ME1: variants seen among roughly 807,000 people sequenced by gnomAD.
The protein encoded by ME1 is NADP-dependent malic enzyme.
In ME1, 74 loss-of-function variants were observed where a neutral mutation model predicts 66.4. The observed-to-expected ratio is 1.11, with a 90% CI of 0.92 to 1.35. ME1 has a LOEUF of 1.35. Among genes scored for constraint, ME1 ranks in the 40% most tolerant of loss-of-function variants. The probability of loss-of-function intolerance (pLI) is 0.00; values close to 1 mark genes in which losing one functional copy is unlikely to be tolerated. For synonymous variants in ME1, 251 were observed against 235.6 expected (o/e 1.07, Z -0.60); for missense variants, 750 against 694.1 (o/e 1.08, Z -0.90).
intron 7 of ME1, among the ~76,000 whole-genome samples, chr6:83,251,780 A>G (rs891007566): frequency 3.0e-4 from 46 of 152,150 alleles, no homozygotes; most frequent in African/African-American, 9.9e-4. Context: ...AACATGCATC[A>G]GACCATGCAT....
At chr6:83,362,770 T>C (rs759063655) in intron 3 of ME1, among the ~76,000 whole-genome samples, 12 of 152,352 alleles carry the variant, frequency 7.9e-5, no homozygotes, top group South Asian at 6.2e-4. Context: ...ATGCAATGCT[T>C]CTGCCAAGAC....
At position 83,325,955 on chromosome 6, in the gene ME1, A is replaced by C. The variant is rs893275562; in HGVS notation, c.601-10542T>G. Among the ~76,000 whole-genome samples the C allele has an allele frequency of 3.0e-4, 46 of 151,260 alleles. 1 individual carries two copies. Among genetic ancestry groups the C allele is most frequent in the African/African-American group, 1.1e-3 (46 of 41,420 alleles). On this transcript the variant is annotated intron_variant, in intron 5 of 13. Transcript: ENST00000369705. ...ACAAAAAAACGAAGCAAACAAAAAA[A>C]AAAAAAAACAAAGCTGGAGGCATCA... is the stretch of plus-strand genomic sequence containing the variant.
intron 6 of ME1, among the ~76,000 whole-genome samples, chr6:83,296,833 A>T (rs565612369): frequency 6.6e-6 from 1 of 152,326 alleles, no homozygotes; most frequent in African/African-American, 2.4e-5. Flanking sequence ...AGGATACAAA[A>T]TCAATGTACA....
At chr6:83,403,316 G>T (rs2128551283) in intron 2 of ME1, among the ~76,000 whole-genome samples, 1 of 152,274 alleles carries the variant, frequency 6.6e-6, no homozygotes, top group East Asian at 1.9e-4. Context: ...AGACTAGGTA[G>T]CTTATGAACA....
At chr6:83,399,718 C>A (rs1190992294) in intron 2 of ME1, among the ~76,000 whole-genome samples, 1 of 152,162 alleles carries the variant, frequency 6.6e-6, no homozygotes, top group Non-Finnish European at 1.5e-5. Context: ...AAAACGTAAA[C>A]TGCTCAGTTC....
intron 3 of ME1, among the ~76,000 whole-genome samples, chr6:83,379,566 G>A (rs1769356552): frequency 6.6e-6 from 1 of 151,866 alleles, no homozygotes; most frequent in African/African-American, 2.4e-5. Context: ...ATTTGTTAGT[G>A]TCTTAGAAAT....
rs1769973820 is a variant in ME1, at chr6:83,407,773, A to T, written c.207T>A (p.Phe69Leu). Residue 69 changes from phenylalanine (F) to leucine (L), a missense_variant, in exon 2 of 14, where the codon TTT becomes TTA. Transcript: ENST00000369705. The part of the protein sequence containing the change: ...VKNFEHLNSD[F>L]DRYLLLMDLQ... ...CACCTTCAGCAATGTGTTACCTGTCAAAGTCAGAGTTCAGATGCTCGAAAT... is the reference window on the plus strand; with the variant it reads ...CACCTTCAGCAATGTGTTACCTGTCTAAGTCAGAGTTCAGATGCTCGAAAT... The T allele has an allele frequency of 1.3e-6, 2 of 1,597,338 alleles. No individual in the cohort carries two copies. The highest frequency in any genetic ancestry group is 8.5e-7 in the Non-Finnish European group (1 of 1,175,562).
chr6:83,334,319 C>T (rs1768481867), intron 5 of ME1, among the ~76,000 whole-genome samples: 2 of 121,264 alleles, frequency 1.6e-5, no homozygotes, highest in African/African-American at 6.4e-5. Context: ...GGTCCTACGC[C>T]CACGGAATCT....
chr6:83,296,457 A>T (rs1315720105), intron 6 of ME1, among the ~76,000 whole-genome samples: 1 of 152,214 alleles, frequency 6.6e-6, no homozygotes, highest in Non-Finnish European at 1.5e-5. Flanking sequence ...GCTATCGATA[A>T]AATTCAACAT....
intron 4 of ME1, among the ~76,000 whole-genome samples, chr6:83,351,355 GTTGCTA>G (rs1446242084): frequency 6.6e-6 from 1 of 152,142 alleles, no homozygotes; most frequent in Non-Finnish European, 1.5e-5. Context: ...ATACCACAAA[GTTGCTA>G]GGCATTCAAC....
intron 6 of ME1, among the ~76,000 whole-genome samples, chr6:83,300,213 C>T (rs1767689155): frequency 6.6e-6 from 1 of 152,072 alleles, no homozygotes; most frequent in African/African-American, 2.4e-5. Context: ...AAGCTAGACT[C>T]CTTCTTTACA....
rs773779919 is a variant in ME1 at position 83,430,908 on chromosome 6, T to C, written c.47A>G (p.Tyr16Cys). 3.7e-6 allele frequency: 6 copies of C among 1,602,912 alleles called. No homozygotes were observed. The Admixed American group carries it at 1.0e-4, about 27-fold the overall frequency. The change falls in exon 1 of 14, where the codon TAC becomes TGC. Residue 16 changes from tyrosine (Y) to cysteine (C), a missense_variant. Physicochemically the swap from Tyr to Cys is radical, Grantham distance 194 (BLOSUM62 -2). Transcript: ENST00000369705. The part of the protein sequence containing the change: ...PRRRHTHQRG[Y>C]LLTRNPHLNK... ...GAGGTGAGGGTTCCGTGTCAGCAGG[T>C]AGCCGCGCTGATGGGTGTGGCGGCG...
chr6:83,253,036 A>G (rs1790750043), intron 7 of ME1, among the ~76,000 whole-genome samples: 1 of 152,180 alleles, frequency 6.6e-6, no homozygotes, highest in South Asian at 2.1e-4. Context: ...TCCTCAGCTC[A>G]TCTACCTGTG....
rs567395553 is a variant in ME1 at position 83,214,672 on chromosome 6, C to T, written c.1548+1826G>A. 2.6e-3 allele frequency among the ~76,000 whole-genome samples: 395 copies of T among 152,148 alleles called. 3 individuals are homozygous for T. The highest frequency in any genetic ancestry group is 9.2e-3 in the African/African-American group (382 of 41,508). On this transcript the variant is annotated intron_variant, in intron 13 of 13. Transcript: ENST00000369705. The stretch of plus-strand genomic sequence containing the variant: ...ATACTTGCTTTCTTGGCAACCTCAC[C>T]CACTCCTAGATATTCACCAGTTACC...
chr6:83,326,349 A>G (rs547366337), intron 5 of ME1, among the ~76,000 whole-genome samples: 3 of 152,342 alleles, frequency 2.0e-5, no homozygotes, highest in Admixed American at 6.5e-5. Flanking sequence ...TTCATGACTA[A>G]AACACCAAAA....
chr6:83,230,950 A>G (rs1366714485), intron 9 of ME1, among the ~76,000 whole-genome samples: 2 of 152,146 alleles, frequency 1.3e-5, no homozygotes, highest in Non-Finnish European at 2.9e-5. Context: ...AAAAATAAAA[A>G]AAAGAAATGA....
At chr6:83,393,813 C>G (rs1012455457) in intron 3 of ME1, among the ~76,000 whole-genome samples, 8 of 151,972 alleles carry the variant, frequency 5.3e-5, no homozygotes, top group Non-Finnish European at 1.0e-4. Flanking sequence ...TTTGGACATG[C>G]ACAGATGTTT....
At chr6:83,240,674 C>T (rs1398410363) in intron 7 of ME1, among the ~76,000 whole-genome samples, 3 of 152,056 alleles carry the variant, frequency 2.0e-5, no homozygotes, top group Non-Finnish European at 4.4e-5. Context: ...CCTAGCTAAA[C>T]GTTAAATACC....
At chr6:83,228,993 C>T (rs1020361835) in intron 9 of ME1, 62 bp from the exon 10 acceptor site, 20 of 1,050,600 alleles carry the variant, frequency 1.9e-5, no homozygotes, top group African/African-American at 8.1e-5. Flanking sequence ...CAATAAATTT[C>T]GGTACATATA....
Sources: gnomAD v4.1 joint callset for allele counts (sites outside exome capture counted in the v4.1 genomes callset) on GRCh38, gnomAD v4.1.1 for gene constraint, MANE v1.5 for transcripts, NCBI Gene and HGNC (gene_info 2026-07-23, HGNC 2026-07-21) for gene names.